PPM1B: variants seen among roughly 807,000 people sequenced by gnomAD.
PPM1B encodes the protein protein phosphatase 1B.
PPM1B carries 22 observed loss-of-function variants against 43.0 expected under a neutral mutation model. The ratio of observed to expected loss-of-function variants is 0.51; its 90% CI spans 0.37 to 0.73. PPM1B has a LOEUF of 0.73. Ranked by LOEUF, PPM1B falls within the 30% of genes least tolerant of loss-of-function variation. PPM1B has a pLI of 0.00. For synonymous variants in PPM1B, 217 were observed against 197.9 expected (o/e 1.10, Z -0.81); for missense variants, 632 against 584.2 (o/e 1.08, Z -0.84).
At chr2:44,239,669 G>A (rs1223768111) in intron 5 of PPM1B, among the ~76,000 whole-genome samples, 2 of 152,158 alleles carry the variant, frequency 1.3e-5, no homozygotes, top group African/African-American at 4.8e-5. Context: ...GATCTCTAAT[G>A]TTACCTTCCA....
chr2:44,185,677 A>G (rs955802346), intron 1 of PPM1B, among the ~76,000 whole-genome samples: 2 of 152,178 alleles, frequency 1.3e-5, no homozygotes, highest in Non-Finnish European at 2.9e-5. Flanking sequence ...TGTTTTCATA[A>G]TCTTGCTCTA....
At chr2:44,195,164 A>T (rs1436774987) in intron 1 of PPM1B, among the ~76,000 whole-genome samples, 6 of 150,948 alleles carry the variant, frequency 4.0e-5, no homozygotes, top group Non-Finnish European at 8.8e-5. Flanking sequence ...AAGTGCTGGG[A>T]TTACAGGCGT....
chr2:44,237,884 G>A (rs1032882163), downstream of PPM1B, among the ~76,000 whole-genome samples: 1 of 152,066 alleles, frequency 6.6e-6, no homozygotes, highest in Admixed American at 6.6e-5. Flanking sequence ...AAGTCTTGAA[G>A]TTATGAAATG....
downstream of PPM1B, chr2:44,232,367 C>T: frequency 1.9e-6 from 3 of 1,602,520 alleles, no homozygotes; most frequent in Middle Eastern, 1.7e-4. Context: ...TTCTAAAATG[C>T]TTTTGATTCT....
chr2:44,223,641 C>G (rs1670074441), intron 5 of PPM1B, among the ~76,000 whole-genome samples: 1 of 151,262 alleles, frequency 6.6e-6, no homozygotes, highest in Admixed American at 6.6e-5. Flanking sequence ...AACCCCGTCT[C>G]TACTAAAAAT....
chr2:44,189,597 G>T (rs1240757881), intron 1 of PPM1B, among the ~76,000 whole-genome samples: 1 of 152,138 alleles, frequency 6.6e-6, no homozygotes, highest in East Asian at 1.9e-4. Flanking sequence ...CCAAGTAGCT[G>T]GGATTACAGG....
chr2:44,203,248 A>G (rs948418083), intron 2 of PPM1B, among the ~76,000 whole-genome samples: 6 of 152,196 alleles, frequency 3.9e-5, no homozygotes, highest in African/African-American at 1.4e-4. Flanking sequence ...TGGTACCTCT[A>G]GCTCCTCTGA....
Position 44,218,049 on chromosome 2 carries a change from T to A in PPM1B, c.1047T>A (p.Asn349Lys), listed in dbSNP as rs1669805570. 1 of 1,613,204 alleles carries A rather than the reference T, an allele frequency of 6.2e-7. No homozygotes were observed. The highest frequency in any genetic ancestry group is 8.5e-7 in the Non-Finnish European group (1 of 1,179,736). Residue 349 changes from asparagine (N) to lysine (K), a missense_variant, in exon 4 of 6, where the codon AAT becomes AAA. Around this residue, in one of 3 missense-constraint regions of PPM1B, gnomAD observed 392 missense variants for 302.7 expected, o/e 1.29. Coordinates refer to ENST00000282412, the MANE Select transcript of PPM1B (RefSeq NM_002706.6). ...TCTTGTCTGCAGAAAATATCCCAAA[T>A]TTGCCTCCTGGGGGAGGTCTTGCTG... The part of the protein sequence containing the change: ...MRILSAENIP[N>K]LPPGGGLAGK...
At position 44,241,618 on chromosome 2, in the gene PPM1B, G is replaced by C. The variant is rs934879495; in HGVS notation, n.1547-2610G>C. On this transcript the variant is annotated intron_variant and non_coding_transcript_variant, in intron 5 of 5. Transcript: ENST00000378540. ...GTGGTGGTGTGCACCTGTAATCCCAGCTACCTGGGAGGCTGAGGCAGGAGA... is the reference window on the plus strand; with the variant it reads ...GTGGTGGTGTGCACCTGTAATCCCACCTACCTGGGAGGCTGAGGCAGGAGA... 9.4e-5 allele frequency among the ~76,000 whole-genome samples: 11 copies of C among 116,490 alleles called. 1 individual carries two copies. In the East Asian group the frequency reaches 3.1e-3, roughly 32 times the overall value. 76.4% of individuals were successfully genotyped at this position (116,490 alleles called of 152,430 possible). A position where few individuals can be genotyped will look rare whatever the true frequency, so the allele number is the denominator to read the frequency against.
exon 6 of PPM1B, chr2:44,244,366 C>T (rs1331499969): frequency 7.4e-7 from 1 of 1,354,070 alleles, no homozygotes; most frequent in Non-Finnish European, 9.9e-7. Context: ...AAAAATAAAC[C>T]CAGCATTATA....
downstream of PPM1B, chr2:44,232,664 ATAGT>A: frequency 1.8e-6 from 2 of 1,133,738 alleles, no homozygotes; most frequent in Non-Finnish European, 2.2e-6. Flanking sequence ...CATGGGAAAT[ATAGT>A]TAGCTATACT....
downstream of PPM1B, among the ~76,000 whole-genome samples, chr2:44,236,402 C>CAAAAAAAAAAAAAAAAAA (rs61414038): frequency 0.014 from 677 of 47,478 alleles, 124 homozygotes; most frequent in Non-Finnish European, 0.019. Flanking sequence ...GACTCCGTCT[C>CAAAAAAAAAAAAAAAAAA]AAAAAAAAAA....
At position 44,203,166 on chromosome 2, in the gene PPM1B, C is replaced by G. The variant is rs78954693; in HGVS notation, c.846+1121C>G. On this transcript the variant is annotated intron_variant, in intron 2 of 5. Transcript: ENST00000282412. ...TTCTTTTTAATAGAATGGAAAGAGG[C>G]AGTTTTAAAAACAGAAGATTTAAAG... 3.8e-3 allele frequency among the ~76,000 whole-genome samples: 581 copies of G among 152,202 alleles called. 3 individuals carry two copies. Among genetic ancestry groups the G allele is most frequent in the African/African-American group, 0.013 (557 of 41,556 alleles).
At chr2:44,182,791 G>A (rs1448777889) in intron 1 of PPM1B, among the ~76,000 whole-genome samples, 3 of 151,964 alleles carry the variant, frequency 2.0e-5, no homozygotes, top group African/African-American at 7.2e-5. Flanking sequence ...GAATTGGACC[G>A]TGATGTTTTC....
At chr2:44,226,774 CG>C (rs1317463206) in intron 5 of PPM1B, among the ~76,000 whole-genome samples, 1 of 43,382 alleles carries the variant, frequency 2.3e-5, no homozygotes, top group East Asian at 5.7e-4. Context: ...TGGGGGTTTT[CG>C]GGGGAAGAGG....
At chr2:44,242,954 T>C (rs1348299688) in intron 5 of PPM1B, among the ~76,000 whole-genome samples, 1 of 152,160 alleles carries the variant, frequency 6.6e-6, no homozygotes, top group Non-Finnish European at 1.5e-5. Context: ...TTGTTGTTTT[T>C]AAGGAAAGAT....
At chr2:44,218,336 G>C (rs1669820012) in intron 4 of PPM1B, 144 bp from the exon 5 acceptor site, 1 of 702,380 alleles carries the variant, frequency 1.4e-6, no homozygotes, top group African/African-American at 1.8e-5. Context: ...CAGATTCTGA[G>C]AGTAAAGTGT....
intron 2 of PPM1B, 138 bp from the exon 3 acceptor site, chr2:44,209,072 C>T: frequency 1.3e-6 from 1 of 741,222 alleles, no homozygotes; most frequent in Non-Finnish European, 2.0e-6. Flanking sequence ...TTTAGTAATT[C>T]ATTGGAATAA....
downstream of PPM1B, chr2:44,232,517 C>T (rs1291417806): frequency 4.1e-6 from 6 of 1,461,240 alleles, no homozygotes; most frequent in Admixed American, 1.4e-4. Flanking sequence ...TGTTTTCTGA[C>T]AGTTGCCACT....
Sources: gnomAD v4.1 joint callset for allele counts (sites outside exome capture counted in the v4.1 genomes callset) on GRCh38, gnomAD v4.1.1 for gene constraint, gnomAD v4.1.1 regional missense constraint, MANE v1.5 for transcripts, NCBI Gene and HGNC (gene_info 2026-07-23, HGNC 2026-07-21) for gene names.